STMN2: variants seen among roughly 807,000 people sequenced by gnomAD.
STMN2 encodes stathmin 2.
STMN2 carries 2 observed loss-of-function variants against 24.1 expected under a neutral mutation model. That is an observed-to-expected ratio of 0.08 (90% CI 0.03 to 0.26). STMN2 has a LOEUF of 0.26. STMN2 is among the 10% of genes least tolerant of loss of function. The probability of loss-of-function intolerance (pLI) is 1.00; values close to 1 mark genes in which losing one functional copy is unlikely to be tolerated. For missense variants in STMN2, 114 were observed against 213.6 expected (o/e 0.53, Z 2.91); for synonymous variants, 83 against 77.5 (o/e 1.07, Z -0.37).
At chr8:79,661,484 A>G (rs893764254) in intron 4 of STMN2, among the ~76,000 whole-genome samples, 19 of 152,122 alleles carry the variant, frequency 1.2e-4, no homozygotes, top group Non-Finnish European at 2.6e-4. Flanking sequence ...ATGCACAAAT[A>G]TCATTTGTGC....
chr8:79,611,781 G>A (rs1809231510), intron 1 of STMN2: 7 of 964,982 alleles, frequency 7.3e-6, no homozygotes, highest in Non-Finnish European at 8.6e-6. Flanking sequence ...CCTGGGGTGC[G>A]GTGCAGGGAG....
chr8:79,655,078 T>C lies in STMN2; in HGVS notation c.480+16T>C, dbSNP rs1810416577. The C allele has an allele frequency of 6.8e-6, 11 of 1,612,826 alleles. No homozygotes were observed. In the South Asian group the frequency reaches 9.9e-5, roughly 15 times the overall value. On this transcript the variant is annotated intron_variant, in intron 4 of 4. Coordinates refer to ENST00000220876, the MANE Select transcript of STMN2 (RefSeq NM_007029.4). ...GCAGGAAAAGGTAATCTCAGCAGAG[T>C]CCTGAGCAGATGGATATATTCATAT...
At chr8:79,626,856 GAAGT>G (rs1809668488) in intron 1 of STMN2, among the ~76,000 whole-genome samples, 1 of 152,162 alleles carries the variant, frequency 6.6e-6, no homozygotes, top group South Asian at 2.1e-4. Context: ...AAACCATGGA[GAAGT>G]AAGGGCTAAG....
At chr8:79,641,665 CACACACAT>C (rs781153743) in intron 3 of STMN2, 115 bp downstream of exon 3, 51 of 775,304 alleles carry the variant, frequency 6.6e-5, no homozygotes, top group Middle Eastern at 7.9e-4. Context: ...CACACACACA[CACACACAT>C]ACAGAGAGCA....
At chr8:79,647,072 T>C (rs1009439799) in intron 3 of STMN2, among the ~76,000 whole-genome samples, 1 of 152,154 alleles carries the variant, frequency 6.6e-6, no homozygotes, top group Non-Finnish European at 1.5e-5. Context: ...CAAAAATACA[T>C]ACATGTTCCA....
chr8:79,643,149 G>A (rs894188065), intron 3 of STMN2, among the ~76,000 whole-genome samples: 30 of 140,100 alleles, frequency 2.1e-4, no homozygotes, highest in African/African-American at 5.0e-4. Flanking sequence ...ATGTGTGTGT[G>A]TATATATATA....
intron 1 of STMN2, chr8:79,621,009 T>C (rs1809504031): frequency 1.0e-6 from 1 of 985,094 alleles, no homozygotes; most frequent in African/African-American, 1.7e-5. Context: ...GCATGTGAGT[T>C]ACGTCCTCTG....
At chr8:79,648,461 T>TC (rs1351731003) in intron 3 of STMN2, among the ~76,000 whole-genome samples, 2 of 144,418 alleles carry the variant, frequency 1.4e-5, no homozygotes, top group South Asian at 4.7e-4. Flanking sequence ...TGCTTTTTTT[T>TC]TTTTTTTTTT....
Position 79,611,151 on chromosome 8 carries a change from G to C in STMN2, c.-45G>C. ...TCTCGCTCTCTCCGCTGCTGTAGCC[G>C]GACCCTTTGCCTTCGCCACTGCTCA... is the stretch of plus-strand genomic sequence containing the variant. On this transcript the variant is annotated 5_prime_UTR_variant, in exon 1 of 5. Transcript: ENST00000220876. 6.2e-7 allele frequency: 1 copy of C among 1,613,536 alleles called. No homozygotes were observed. The highest frequency in any genetic ancestry group is 8.5e-7 in the Non-Finnish European group (1 of 1,179,856).
intron 2 of STMN2, among the ~76,000 whole-genome samples, chr8:79,637,696 C>A (rs1284196297): frequency 6.6e-6 from 1 of 152,142 alleles, no homozygotes; most frequent in African/African-American, 2.4e-5. Context: ...CAACATCATC[C>A]TTACCTAATT....
chr8:79,647,883 C>T (rs967211924), intron 3 of STMN2, among the ~76,000 whole-genome samples: 1 of 152,166 alleles, frequency 6.6e-6, no homozygotes, highest in Non-Finnish European at 1.5e-5. Context: ...ATGCTTTAAC[C>T]ATCCATTTAT....
At chr8:79,645,686 G>A (rs563673551) in intron 3 of STMN2, among the ~76,000 whole-genome samples, 2 of 152,280 alleles carry the variant, frequency 1.3e-5, no homozygotes, top group Admixed American at 1.3e-4. Flanking sequence ...AGTTTAGGAT[G>A]TACTGTAAGT....
chr8:79,638,609 A>G (rs1009631803), intron 2 of STMN2, among the ~76,000 whole-genome samples: 2 of 152,204 alleles, frequency 1.3e-5, no homozygotes, highest in African/African-American at 4.8e-5. Context: ...TATTGTTTAC[A>G]TTTGTAAGCA....
chr8:79,658,747 C>T (rs1165086099), intron 4 of STMN2, among the ~76,000 whole-genome samples: 1 of 152,322 alleles, frequency 6.6e-6, no homozygotes, highest in African/African-American at 2.4e-5. Context: ...CATATTTTCA[C>T]CATGATGCCC....
chr8:79,620,668 G>T (rs1809494432), intron 1 of STMN2, among the ~76,000 whole-genome samples: 3 of 152,030 alleles, frequency 2.0e-5, no homozygotes, highest in Non-Finnish European at 4.4e-5. Context: ...TTACAAGATA[G>T]TACATAATGA....
At chr8:79,644,989 T>C (rs1810188422) in intron 3 of STMN2, among the ~76,000 whole-genome samples, 1 of 152,044 alleles carries the variant, frequency 6.6e-6, no homozygotes, top group African/African-American at 2.4e-5. Flanking sequence ...ACCCCATCTC[T>C]ACTAAAAATA....
chr8:79,648,835 T>C (rs1302452264), intron 3 of STMN2, among the ~76,000 whole-genome samples: 7 of 152,160 alleles, frequency 4.6e-5, no homozygotes, highest in Admixed American at 3.9e-4. Context: ...AGGTAATAGA[T>C]ATATAAATAG....
intron 1 of STMN2, among the ~76,000 whole-genome samples, chr8:79,633,145 C>G (rs1440184010): frequency 6.6e-6 from 1 of 152,172 alleles, no homozygotes; most frequent in Non-Finnish European, 1.5e-5. Context: ...AACTGTACCA[C>G]GTTAGGAGGA....
chr8:79,649,380 C>T (rs1171502292), intron 3 of STMN2, among the ~76,000 whole-genome samples: 1 of 152,032 alleles, frequency 6.6e-6, no homozygotes, highest in Non-Finnish European at 1.5e-5. Flanking sequence ...CAGAAGGGCT[C>T]ATTCTAAAGG....
Sources: gnomAD v4.1 joint callset for allele counts (sites outside exome capture counted in the v4.1 genomes callset) on GRCh38, gnomAD v4.1.1 for gene constraint, MANE v1.5 for transcripts, NCBI Gene and HGNC (gene_info 2026-07-23, HGNC 2026-07-21) for gene names.